Variants in EDA observed in about 807,000 individuals in gnomAD.
EDA encodes the protein ectodysplasin A.
EDA carries 2 observed loss-of-function variants against 23.6 expected under a neutral mutation model. That is an observed-to-expected ratio of 0.08 (90% CI 0.03 to 0.27). EDA has a LOEUF of 0.27. Among genes scored for constraint, EDA ranks in the 10% least tolerant of loss-of-function variants. The pLI, the probability that EDA is intolerant of heterozygous loss-of-function variation, is 1.00. For missense variants in EDA, 229 were observed against 324.2 expected, an observed-to-expected ratio of 0.71 and a Z score of 2.26; for synonymous variants, 131 against 132.0, an observed-to-expected ratio of 0.99 and a Z score of 0.05.
chrX:69,937,350 G>T, intron 1 of EDA: 1 of 622,958 alleles, frequency 1.6e-6, no homozygotes, highest in Non-Finnish European at 2.8e-6. Context: ...CTGATGTGGT[G>T]GTCCTATCTA....
chrX:69,843,116 C>A (rs1304946359), intron 1 of EDA, among the ~76,000 whole-genome samples: 1 of 112,274 alleles, frequency 8.9e-6, no homozygotes, highest in Non-Finnish European at 1.9e-5. Flanking sequence ...AATAAATGTG[C>A]AAACGAATAT....
intron 1 of EDA, among the ~76,000 whole-genome samples, chrX:69,816,745 G>A (rs1291236936): frequency 9.0e-6 from 1 of 110,647 alleles, no homozygotes; most frequent in Non-Finnish European, 1.9e-5. Flanking sequence ...TGAAAGAGAT[G>A]AGAAGAATGA....
chrX:70,033,936 C>T (rs2020232772), intron 7 of EDA, among the ~76,000 whole-genome samples: 1 of 111,420 alleles, frequency 9.0e-6, no homozygotes, highest in Non-Finnish European at 1.9e-5. Context: ...ACTGCTGGCT[C>T]GGACGTTGTA....
intron 2 of EDA, among the ~76,000 whole-genome samples, chrX:69,971,632 G>T (rs2019249332): frequency 9.0e-6 from 1 of 111,444 alleles, no homozygotes. Flanking sequence ...CCTTTAAGAG[G>T]CCTTGATAAA....
chrX:70,009,083 C>A (rs894907240), intron 2 of EDA, among the ~76,000 whole-genome samples: 2 of 111,473 alleles, frequency 1.8e-5, no homozygotes, highest in Non-Finnish European at 3.8e-5. Flanking sequence ...TCATAATATT[C>A]TTTTATTGTT....
At chrX:69,828,441 C>T (rs886911361) in intron 1 of EDA, among the ~76,000 whole-genome samples, 13 of 112,009 alleles carry the variant, frequency 1.2e-4, no homozygotes, top group African/African-American at 2.6e-4. Flanking sequence ...GCGCAGTATT[C>T]GGGTGGGAGT....
chrX:69,664,666 TTGTG>T (rs35371760), intron 1 of EDA, among the ~76,000 whole-genome samples: 11 of 104,066 alleles, frequency 1.1e-4, no homozygotes, highest in Admixed American at 5.2e-4. Context: ...TAATATTTCA[TTGTG>T]TGTGTGTGTG....
intron 1 of EDA, among the ~76,000 whole-genome samples, chrX:69,628,761 T>A (rs1474571909): frequency 9.0e-6 from 1 of 111,459 alleles, no homozygotes; most frequent in Non-Finnish European, 1.9e-5. Context: ...TAGCAATCAA[T>A]TGTTAAGTTG....
rs1444704065 is a variant in EDA, at chrX:69,905,825, G to A, written c.397-51202G>A. 5.4e-5 allele frequency among the ~76,000 whole-genome samples: 6 copies of A among 111,303 alleles called. No homozygotes were observed. The Admixed American group carries it at 5.8e-4, about 11-fold the overall frequency. ...TTCACTTGACTTAACTAGACCATAA[G>A]CTCCATGAGGGAGGAGACTATCCTG... is the stretch of plus-strand genomic sequence containing the variant. On this transcript the variant is annotated intron_variant, in intron 1 of 7. Coordinates refer to ENST00000374552, the MANE Select transcript of EDA (RefSeq NM_001399.5).
intron 1 of EDA, among the ~76,000 whole-genome samples, chrX:69,768,508 T>C (rs1198270268): frequency 9.0e-6 from 1 of 111,581 alleles, no homozygotes; most frequent in Non-Finnish European, 1.9e-5. Flanking sequence ...CAGTTGATGA[T>C]ATAAGAGCAG....
intron 1 of EDA, among the ~76,000 whole-genome samples, chrX:69,671,031 G>A (rs1933877277): frequency 9.0e-6 from 1 of 111,256 alleles, no homozygotes; most frequent in South Asian, 3.8e-4. Flanking sequence ...TGCATCAGTT[G>A]GTGTAGTCAC....
intron 1 of EDA, among the ~76,000 whole-genome samples, chrX:69,779,846 C>G (rs1432570967): frequency 9.0e-6 from 1 of 111,411 alleles, no homozygotes; most frequent in African/African-American, 3.3e-5. Flanking sequence ...CATCTTCTAT[C>G]TCCGAATTAT....
chrX:69,981,739 G>A (rs980628301), intron 2 of EDA, among the ~76,000 whole-genome samples: 1 of 112,107 alleles, frequency 8.9e-6, no homozygotes, highest in African/African-American at 3.2e-5. Context: ...TAACAATCCT[G>A]TGAAGTTAGT....
At chrX:69,891,281 G>A (rs925910521) in intron 1 of EDA, among the ~76,000 whole-genome samples, 1 of 111,604 alleles carries the variant, frequency 9.0e-6, no homozygotes, top group Admixed American at 9.5e-5. Flanking sequence ...TTACACTGTT[G>A]GTAGGAGTGT....
At chrX:69,796,808 G>A (rs1471391972) in intron 1 of EDA, among the ~76,000 whole-genome samples, 1 of 111,193 alleles carries the variant, frequency 9.0e-6, no homozygotes, top group African/African-American at 3.3e-5. Context: ...AGAGAATACC[G>A]AAAAACAATA....
chrX:69,977,972 A>G (rs935716988), intron 2 of EDA, among the ~76,000 whole-genome samples: 2 of 110,546 alleles, frequency 1.8e-5, no homozygotes, highest in Non-Finnish European at 3.8e-5. Flanking sequence ...AATACCATAT[A>G]AATATGTGGG....
chrX:70,035,216 A>G (rs914189218), intron 7 of EDA, 142 bp from the exon 8 acceptor site: 5 of 684,061 alleles, frequency 7.3e-6, no homozygotes, highest in Non-Finnish European at 1.1e-5. Context: ...TTGGCCAGCT[A>G]GCACGCCTTC....
chrX:69,676,764 T>C (rs1232608823), intron 1 of EDA, among the ~76,000 whole-genome samples: 1 of 111,419 alleles, frequency 9.0e-6, no homozygotes, highest in Non-Finnish European at 1.9e-5. Flanking sequence ...CTCCCCTGTC[T>C]TGGATTCAAG....
In EDA at chrX:69,936,913, A is replaced by G. The variant is rs932793670; in HGVS notation, c.397-20114A>G. The stretch of plus-strand genomic sequence containing the variant: ...TAACAAGTATATTAAATTAAGGCCA[A>G]ATTTAACCTAAATGTGTTTTTTTGT... On this transcript the variant is annotated intron_variant, in intron 1 of 7. Coordinates refer to ENST00000374552, the MANE Select transcript of EDA (RefSeq NM_001399.5). 7.2e-5 allele frequency among the ~76,000 whole-genome samples: 8 copies of G among 111,245 alleles called. No individual in the cohort carries two copies. In the Admixed American group the frequency reaches 7.7e-4, roughly 11 times the overall value.
Sources: allele counts gnomAD v4.1 joint callset (sites outside exome capture counted in the v4.1 genomes callset), GRCh38; gene constraint gnomAD v4.1.1; transcripts MANE v1.5; gene names NCBI Gene and HGNC (gene_info 2026-07-23, HGNC 2026-07-21).